HTR2C: variants seen among roughly 807,000 people sequenced by gnomAD.
HTR2C encodes 5-hydroxytryptamine receptor 2C, also known as 5-hydroxytryptamine (serotonin) receptor 2C, G protein-coupled.
Under a neutral mutation model 21.0 loss-of-function variants are expected in HTR2C, and 5 were observed. The observed-to-expected ratio is 0.24, with a 90% CI of 0.12 to 0.50. HTR2C has a LOEUF of 0.50. Ranked by LOEUF, HTR2C falls within the 20% of genes least tolerant of loss-of-function variation. HTR2C has a pLI of 0.98. For missense variants in HTR2C, 271 were observed against 371.2 expected, an observed-to-expected ratio of 0.73 and a Z score of 2.22; for synonymous variants, 150 against 145.3, an observed-to-expected ratio of 1.03 and a Z score of -0.23.
chrX:114,659,184 G>T (rs1293450935), intron 2 of HTR2C, among the ~76,000 whole-genome samples: 1 of 111,000 alleles, frequency 9.0e-6, no homozygotes, highest in Non-Finnish European at 1.9e-5. Context: ...CAACATGGGG[G>T]TAACTACCCC....
intron 5 of HTR2C, among the ~76,000 whole-genome samples, chrX:114,901,522 CAT>C (rs1353996620): frequency 4.5e-5 from 5 of 111,594 alleles, no homozygotes; most frequent in South Asian, 3.7e-4. Flanking sequence ...GTAGAAGTAA[CAT>C]ATGATATTTT....
At chrX:114,633,945 T>TAGAGAGAGAGAGAGAG (rs1216290509) in intron 2 of HTR2C, among the ~76,000 whole-genome samples, 3 of 25,878 alleles carry the variant, frequency 1.2e-4, no homozygotes, top group South Asian at 3.0e-3. Flanking sequence ...TATATATATA[T>TAGAGAGAGAGAGAGAG]ATAGAGAGAG....
chrX:114,673,699 C>A (rs1931458806), intron 2 of HTR2C, among the ~76,000 whole-genome samples: 1 of 111,050 alleles, frequency 9.0e-6, no homozygotes, highest in African/African-American at 3.3e-5. Context: ...ATGAGATTGA[C>A]AGTAGTTATA....
intron 4 of HTR2C, among the ~76,000 whole-genome samples, chrX:114,748,601 A>T (rs1297073796): frequency 8.9e-6 from 1 of 112,016 alleles, no homozygotes; most frequent in African/African-American, 3.2e-5. Context: ...AGAAATCAAC[A>T]AATATAATCA....
chrX:114,824,091 C>A (rs1363099851), intron 4 of HTR2C, among the ~76,000 whole-genome samples: 1 of 111,815 alleles, frequency 8.9e-6, no homozygotes, highest in Non-Finnish European at 1.9e-5. Context: ...CTAAATTGAG[C>A]AGAAACAGTC....
At chrX:114,818,872 T>C (rs946566731) in intron 4 of HTR2C, among the ~76,000 whole-genome samples, 2 of 112,405 alleles carry the variant, frequency 1.8e-5, no homozygotes, top group Non-Finnish European at 3.8e-5. Context: ...TGGCCTAAGA[T>C]GCAGTGTTTT....
chrX:114,848,704 G>T (rs1049878772), intron 5 of HTR2C, among the ~76,000 whole-genome samples: 1 of 110,591 alleles, frequency 9.0e-6, no homozygotes, highest in East Asian at 2.9e-4. Context: ...TTGTTGCTAT[G>T]ACACCTAAAA....
In HTR2C at chrX:114,715,131, G is replaced by C. The variant is rs781977894; in HGVS notation, c.-79-11727G>C. On this transcript the variant is annotated intron_variant, in intron 2 of 5. Coordinates refer to ENST00000276198, the MANE Select transcript of HTR2C (RefSeq NM_000868.4). Reference sequence around the variant, plus strand: ...TCACTTCTTTTTTCCAGATGAGACAGCAAAACCAGAAACTGACCCTTCAAC... The same window carrying C: ...TCACTTCTTTTTTCCAGATGAGACACCAAAACCAGAAACTGACCCTTCAAC... 3.0e-5 allele frequency: 7 copies of C among 231,549 alleles called. 1 individual carries two copies. In the South Asian group the frequency reaches 4.2e-4, roughly 14 times the overall value. The allele number at this position is 231,549 out of a possible 1,213,427, so 19.1% of individuals were successfully genotyped here.
intron 2 of HTR2C, among the ~76,000 whole-genome samples, chrX:114,641,473 C>T (rs1602657325): frequency 9.0e-6 from 1 of 111,084 alleles, no homozygotes; most frequent in African/African-American, 3.3e-5. Context: ...TTCTGACTAG[C>T]TCTCATAGTG....
chrX:114,847,934 C>T, intron 4 of HTR2C, 69 bp from the exon 5 acceptor site: 5 of 835,948 alleles, frequency 6.0e-6, no homozygotes, highest in Non-Finnish European at 8.5e-6. Context: ...TATAAGCAGA[C>T]TAAAATTTGA....
At chrX:114,773,609 A>G (rs1198742361) in intron 4 of HTR2C, among the ~76,000 whole-genome samples, 2 of 112,160 alleles carry the variant, frequency 1.8e-5, no homozygotes, top group Non-Finnish European at 3.8e-5. Context: ...TATTTTGGAG[A>G]TCACTTATGC....
At chrX:114,644,364 T>TAAAA (rs1409375537) in intron 2 of HTR2C, among the ~76,000 whole-genome samples, 1 of 35,676 alleles carries the variant, frequency 2.8e-5, no homozygotes, top group Non-Finnish European at 4.6e-5. Flanking sequence ...AATAAATAAA[T>TAAAA]ATATATATAT....
intron 1 of HTR2C, among the ~76,000 whole-genome samples, chrX:114,607,651 C>T (rs1270870584): frequency 9.0e-6 from 1 of 111,067 alleles, no homozygotes; most frequent in East Asian, 2.8e-4. Context: ...AATGTTAATA[C>T]ATTTTTCATA....
intron 2 of HTR2C, among the ~76,000 whole-genome samples, chrX:114,625,156 C>A (rs1384512091): frequency 9.0e-6 from 1 of 111,726 alleles, no homozygotes; most frequent in Non-Finnish European, 1.9e-5. Flanking sequence ...TTTGCACAAA[C>A]CAGCTCCCCT....
At chrX:114,749,174 T>TGTG (rs2069734362) in intron 4 of HTR2C, among the ~76,000 whole-genome samples, 1 of 105,986 alleles carries the variant, frequency 9.4e-6, no homozygotes, top group Non-Finnish European at 1.9e-5. Context: ...ACTTGCTGAG[T>TGTG]GTGGTGCCTC....
intron 4 of HTR2C, chrX:114,823,705 T>C (rs2070655656): frequency 3.8e-6 from 1 of 263,710 alleles, no homozygotes; most frequent in Admixed American, 4.6e-5. Context: ...CTGACTGCTA[T>C]GACCTTGGCT....
At chrX:114,617,450 AAAAG>A (rs1204411151) in intron 2 of HTR2C, among the ~76,000 whole-genome samples, 1 of 112,310 alleles carries the variant, frequency 8.9e-6, no homozygotes, top group Non-Finnish European at 1.9e-5. Context: ...AAAAAGAAAA[AAAAG>A]AAAGAAAAAC....
intron 2 of HTR2C, among the ~76,000 whole-genome samples, chrX:114,659,558 A>G (rs1474349917): frequency 4.5e-5 from 5 of 111,364 alleles, no homozygotes; most frequent in African/African-American, 1.6e-4. Flanking sequence ...AATCAAGGTT[A>G]TGAAATACAA....
intron 2 of HTR2C, among the ~76,000 whole-genome samples, chrX:114,719,525 G>A (rs1196109551): frequency 9.0e-6 from 1 of 111,014 alleles, no homozygotes; most frequent in African/African-American, 3.3e-5. Flanking sequence ...ACCATGTTCC[G>A]AAACTCTTAC....
Sources: allele counts gnomAD v4.1 joint callset (sites outside exome capture counted in the v4.1 genomes callset), GRCh38; gene constraint gnomAD v4.1.1; transcripts MANE v1.5; gene names NCBI Gene and HGNC (gene_info 2026-07-23, HGNC 2026-07-21).